TBXAS1: variants seen among roughly 807,000 people sequenced by gnomAD.
TBXAS1 encodes thromboxane A synthase 1.
Under a neutral mutation model 60.7 loss-of-function variants are expected in TBXAS1, and 48 were observed. The observed-to-expected ratio is 0.79, with a 90% CI of 0.63 to 1.01. TBXAS1 has a LOEUF of 1.01. Ranked by LOEUF, TBXAS1 falls within the 50% of genes least tolerant of loss-of-function variation. The pLI is 0.00. For synonymous variants in TBXAS1, 287 were observed against 269.7 expected, an observed-to-expected ratio of 1.06 and a Z score of -0.63; for missense variants, 685 against 686.3, an observed-to-expected ratio of 1.00 and a Z score of 0.02.
intron 4 of TBXAS1, among the ~76,000 whole-genome samples, chr7:139,924,509 T>G (rs1329017960): frequency 1.3e-5 from 2 of 152,162 alleles, no homozygotes; most frequent in East Asian, 3.8e-4. Context: ...ATTATTAGGT[T>G]TTTTTCCTGC....
At chr7:139,810,481 G>C (rs560447354) in intron 4 of TBXAS1, among the ~76,000 whole-genome samples, 1 of 152,204 alleles carries the variant, frequency 6.6e-6, no homozygotes, top group Non-Finnish European at 1.5e-5. Context: ...CATGGGGATA[G>C]ATGAATGGAA....
intron 8 of TBXAS1, 89 bp from the exon 9 acceptor site, chr7:139,961,830 C>A: frequency 6.7e-7 from 1 of 1,503,494 alleles, no homozygotes; most frequent in Non-Finnish European, 9.2e-7. Context: ...AAAGCTATGC[C>A]CATGTATCTT....
intron 4 of TBXAS1, chr7:139,913,496 A>G: frequency 3.7e-6 from 1 of 273,684 alleles, no homozygotes; most frequent in South Asian, 6.3e-5. Context: ...GTGTCTCCAT[A>G]TTTCCTCCCA....
At chr7:139,942,257 A>G (rs567811885) in intron 5 of TBXAS1, among the ~76,000 whole-genome samples, 2 of 152,366 alleles carry the variant, frequency 1.3e-5, no homozygotes, top group African/African-American at 4.8e-5. Context: ...TACAAACTAT[A>G]TTCTTCAAGA....
At chr7:139,820,856 G>T (rs1798277886) in intron 4 of TBXAS1, among the ~76,000 whole-genome samples, 1 of 152,076 alleles carries the variant, frequency 6.6e-6, no homozygotes, top group Admixed American at 6.5e-5. Context: ...ATGAATAAGA[G>T]GTCAATCAGG....
chr7:139,859,920 C>T (rs1800846423), intron 1 of TBXAS1, among the ~76,000 whole-genome samples: 1 of 152,170 alleles, frequency 6.6e-6, no homozygotes, highest in African/African-American at 2.4e-5. Context: ...GGGTGGATCA[C>T]TTGAGGTTAG....
intron 3 of TBXAS1, among the ~76,000 whole-genome samples, chr7:139,884,304 A>G (rs1802914691): frequency 6.6e-6 from 1 of 152,220 alleles, no homozygotes; most frequent in Non-Finnish European, 1.5e-5. Context: ...TCCAAGCCTT[A>G]ACTCGGAATC....
intron 3 of TBXAS1, among the ~76,000 whole-genome samples, chr7:139,905,037 T>TTCTA (rs1491188774): frequency 1.1e-5 from 1 of 87,742 alleles, no homozygotes; most frequent in Non-Finnish European, 2.2e-5. Flanking sequence ...CTTTCTTTCT[T>TTCTA]TCTTTCTTTC....
At chr7:139,987,121 C>T (rs1466692048) in intron 9 of TBXAS1, among the ~76,000 whole-genome samples, 3 of 152,078 alleles carry the variant, frequency 2.0e-5, no homozygotes, top group Non-Finnish European at 4.4e-5. Flanking sequence ...TTGGCTGCAG[C>T]CTGGAGCCAC....
chr7:139,923,268 A>G (rs1283765983), intron 4 of TBXAS1, among the ~76,000 whole-genome samples: 1 of 152,072 alleles, frequency 6.6e-6, no homozygotes, highest in African/African-American at 2.4e-5. Context: ...CGTAGGTTGT[A>G]GTGAGCCATG....
intron 1 of TBXAS1, among the ~76,000 whole-genome samples, chr7:139,842,720 T>C (rs1337113294): frequency 6.6e-6 from 1 of 152,242 alleles, no homozygotes; most frequent in Non-Finnish European, 1.5e-5. Flanking sequence ...CCCTCGACTC[T>C]CTCTGTTGCT....
In TBXAS1 at chr7:140,015,730, C is replaced by A. The variant is rs200525534; in HGVS notation, c.1234C>A (p.Arg412=). Residue 412 remains arginine, a synonymous_variant, in exon 11 of 13, where the codon CGG becomes AGG. Transcript: ENST00000448866. ...ACCTGGTGTTTCCCTCAGATTCACACGGGAGGCAGCTCAGGACTGCGAGGT... is the reference window on the plus strand; with the variant it reads ...ACCTGGTGTTTCCCTCAGATTCACAAGGGAGGCAGCTCAGGACTGCGAGGT... ...RMYPPAFRFT[R]EAAQDCEVLG... 1.9e-5 allele frequency: 31 copies of A among 1,613,210 alleles called. No individual in the cohort carries two copies. The highest frequency in any genetic ancestry group is 2.5e-5 in the Non-Finnish European group (29 of 1,180,028).
At chr7:139,891,582 G>A (rs1175210478) in intron 3 of TBXAS1, among the ~76,000 whole-genome samples, 2 of 152,116 alleles carry the variant, frequency 1.3e-5, no homozygotes, top group Non-Finnish European at 2.9e-5. Context: ...GCCTTAGGAC[G>A]TTTGCCATAA....
intron 9 of TBXAS1, among the ~76,000 whole-genome samples, chr7:139,986,597 G>A (rs1812475374): frequency 6.6e-6 from 1 of 151,122 alleles, no homozygotes; most frequent in African/African-American, 2.4e-5. Context: ...GCTTATGAGT[G>A]AGAACATACC....
At chr7:139,796,236 A>G (rs1797567450) in intron 4 of TBXAS1, among the ~76,000 whole-genome samples, 2 of 152,244 alleles carry the variant, frequency 1.3e-5, no homozygotes, top group Admixed American at 6.5e-5. Context: ...TGTAGAGCAC[A>G]TAGCGGTATT....
At position 139,810,703 on chromosome 7, in the gene TBXAS1, C is replaced by T. The variant is rs569096551; in HGVS notation, c.-79-18609C>T. Among the ~76,000 whole-genome samples, 48 of 152,294 alleles carry T rather than the reference C, an allele frequency of 3.2e-4. 1 individual carries two copies. The East Asian group carries it at 3.3e-3, about 10-fold the overall frequency. On this transcript the variant is annotated intron_variant, in intron 4 of 16. Transcript: ENST00000336425. ...CTCACTAAGAAGACGTAGCAGTGCA[C>T]GCTCTGGGATTATTTTATACTTCAC...
chr7:140,016,094 C>T (rs560663660), intron 11 of TBXAS1, among the ~76,000 whole-genome samples: 7 of 152,110 alleles, frequency 4.6e-5, no homozygotes, highest in East Asian at 3.9e-4. Context: ...TTTGGGAGGC[C>T]AAGGTGGGCA....
At chr7:139,842,326 G>A (rs562635562) in intron 1 of TBXAS1, among the ~76,000 whole-genome samples, 6 of 152,280 alleles carry the variant, frequency 3.9e-5, no homozygotes, top group South Asian at 2.1e-4. Flanking sequence ...ACTGAGCTGC[G>A]TGAGTGGGTG....
At chr7:139,877,155 G>A (rs1348586693) in intron 3 of TBXAS1, among the ~76,000 whole-genome samples, 1 of 152,240 alleles carries the variant, frequency 6.6e-6, no homozygotes, top group African/African-American at 2.4e-5. Context: ...ACCTGGCCCA[G>A]CCTGACATTG....
Sources: gnomAD v4.1 joint callset for allele counts (sites outside exome capture counted in the v4.1 genomes callset) on GRCh38, gnomAD v4.1.1 for gene constraint, MANE v1.5 for transcripts, NCBI Gene and HGNC (gene_info 2026-07-23, HGNC 2026-07-21) for gene names.